Variants in PAX5 observed in about 807,000 individuals in gnomAD.
The protein encoded by PAX5 is paired box 5.
In PAX5, 9 loss-of-function variants were observed where a neutral mutation model predicts 43.7. That is an observed-to-expected ratio of 0.21 (90% CI 0.12 to 0.36). The LOEUF (loss-of-function observed/expected upper bound fraction) is 0.36. PAX5 is among the 10% of genes least tolerant of loss of function. The probability of loss-of-function intolerance (pLI) is 1.00; values close to 1 mark genes in which losing one functional copy is unlikely to be tolerated. For synonymous variants in PAX5, 228 were observed against 214.3 expected, an observed-to-expected ratio of 1.06 and a Z score of -0.56; for missense variants, 383 against 532.7, an observed-to-expected ratio of 0.72 and a Z score of 2.77.
At chr9:36,900,296 A>C (rs1456265655) in intron 7 of PAX5, among the ~76,000 whole-genome samples, 1 of 152,234 alleles carries the variant, frequency 6.6e-6, no homozygotes, top group African/African-American at 2.4e-5. Flanking sequence ...CATGGAGTCC[A>C]TCTGCTGAGG....
At chr9:36,935,340 A>G (rs1331855115) in intron 6 of PAX5, among the ~76,000 whole-genome samples, 1 of 152,162 alleles carries the variant, frequency 6.6e-6, no homozygotes, top group African/African-American at 2.4e-5. Context: ...AGATTGTGCC[A>G]TTGCACTCCA....
chr9:37,014,214 C>A (rs569385316), intron 3 of PAX5, among the ~76,000 whole-genome samples: 1 of 152,176 alleles, frequency 6.6e-6, no homozygotes, highest in East Asian at 1.9e-4. Context: ...GCTCTGAGAG[C>A]GCCCTTCCAT....
At chr9:36,987,287 C>T (rs1836514411) in intron 5 of PAX5, among the ~76,000 whole-genome samples, 1 of 152,208 alleles carries the variant, frequency 6.6e-6, no homozygotes, top group Non-Finnish European at 1.5e-5. Flanking sequence ...GGAATTCTCA[C>T]AGTAATTGTA....
intron 6 of PAX5, among the ~76,000 whole-genome samples, chr9:36,948,980 A>G (rs970251785): frequency 6.6e-6 from 1 of 152,190 alleles, no homozygotes; most frequent in Non-Finnish European, 1.5e-5. Flanking sequence ...TGGAGTACCT[A>G]CTATGGGCTG....
intron 7 of PAX5, among the ~76,000 whole-genome samples, chr9:36,883,326 T>A (rs972896165): frequency 1.3e-5 from 2 of 151,918 alleles, no homozygotes; most frequent in Non-Finnish European, 2.9e-5. Context: ...AGAAGCCAGA[T>A]AAAAATCTAT....
chr9:36,883,170 C>T (rs1285037900), intron 7 of PAX5, among the ~76,000 whole-genome samples: 1 of 152,284 alleles, frequency 6.6e-6, no homozygotes, highest in Non-Finnish European at 1.5e-5. Flanking sequence ...CCCCCCTGCC[C>T]CCTGGGAGTG....
At chr9:36,967,230 T>C (rs534547457) in intron 5 of PAX5, among the ~76,000 whole-genome samples, 75 of 152,294 alleles carry the variant, frequency 4.9e-4, no homozygotes, top group African/African-American at 1.8e-3. Flanking sequence ...AGGAAGACTG[T>C]AGGAAAACGG....
At chr9:37,019,600 G>A (rs1839690051) in intron 2 of PAX5, among the ~76,000 whole-genome samples, 1 of 152,234 alleles carries the variant, frequency 6.6e-6, no homozygotes, top group Non-Finnish European at 1.5e-5. Context: ...GAGAAAGTCA[G>A]AATGTCACTG....
chr9:37,000,290 T>A (rs1837737645), intron 5 of PAX5, among the ~76,000 whole-genome samples: 1 of 152,006 alleles, frequency 6.6e-6, no homozygotes, highest in African/African-American at 2.4e-5. Context: ...GGGTAGGAGT[T>A]AGGGGGAGGC....
At chr9:36,900,678 C>T (rs577872821) in intron 7 of PAX5, among the ~76,000 whole-genome samples, 2 of 152,234 alleles carry the variant, frequency 1.3e-5, no homozygotes, top group Admixed American at 6.5e-5. Flanking sequence ...CTCAGCCACC[C>T]TGGTTTCCCA....
At chr9:36,873,501 G>A (rs115802205) in intron 8 of PAX5, among the ~76,000 whole-genome samples, 2,882 of 152,352 alleles carry the variant, frequency 0.019, 92 homozygotes, top group African/African-American at 0.064. Flanking sequence ...CGAGCAACAG[G>A]TGTGCACCCC....
At chr9:37,029,719 C>T (rs970294691) in intron 1 of PAX5, among the ~76,000 whole-genome samples, 1 of 152,186 alleles carries the variant, frequency 6.6e-6, no homozygotes, top group Non-Finnish European at 1.5e-5. Context: ...CTGAGGGATG[C>T]AGCCAGTGAC....
intron 7 of PAX5, among the ~76,000 whole-genome samples, chr9:36,888,040 G>A (rs1396428628): frequency 6.6e-6 from 1 of 152,326 alleles, no homozygotes. Flanking sequence ...AACATCATTA[G>A]CTCTCAGGGA....
intron 9 of PAX5, among the ~76,000 whole-genome samples, chr9:36,841,026 T>G (rs1487629323): frequency 1.3e-5 from 2 of 152,192 alleles, no homozygotes; most frequent in East Asian, 3.9e-4. Flanking sequence ...CCTAAAATAT[T>G]TACTCTCTGG....
chr9:36,984,356 T>C (rs551828837), intron 5 of PAX5, among the ~76,000 whole-genome samples: 9 of 151,476 alleles, frequency 5.9e-5, no homozygotes, highest in African/African-American at 2.2e-4. Context: ...GCACAGGCTC[T>C]GAAAACAGAG....
intron 8 of PAX5, among the ~76,000 whole-genome samples, chr9:36,858,545 A>C (rs1004057855): frequency 6.6e-6 from 1 of 152,094 alleles, no homozygotes; most frequent in East Asian, 1.9e-4. Context: ...AAAATTATGA[A>C]TCCAATCCCA....
intron 6 of PAX5, among the ~76,000 whole-genome samples, chr9:36,936,057 T>C (rs1343170442): frequency 4.6e-5 from 7 of 152,228 alleles, no homozygotes; most frequent in Non-Finnish European, 2.9e-5. Context: ...TCTAAGTTCA[T>C]TAGAAATGGA....
At position 36,836,292 on chromosome 9, in the gene PAX5, G is replaced by A. The variant is rs1349980201; in HGVS notation, c.*4268C>T. The A allele has an allele frequency of 4.3e-6, 1 of 233,276 alleles. No individual in the cohort carries two copies. Among genetic ancestry groups the A allele is most frequent in the African/African-American group, 2.2e-5 (1 of 45,350 alleles). The allele number at this position is 233,276 out of a possible 1,614,324, so 14.5% of individuals were successfully genotyped here. ...AAGACTTGCAAGAGCCCAAGATGAG[G>A]CCTGGGAGAGTGGCAGGCTCTGGGC... On this transcript the variant is annotated 3_prime_UTR_variant, in exon 10 of 10. Coordinates refer to ENST00000358127, the MANE Select transcript of PAX5 (RefSeq NM_016734.3).
In PAX5 at chr9:36,976,823, C is replaced by T. The variant is rs143550834; in HGVS notation, c.605-10099G>A. The stretch of plus-strand genomic sequence containing the variant: ...GTCAGTGTGGGAAAGGCCCCAAGGG[C>T]TGGTGATTCCACATTCGAGGATGGC... On this transcript the variant is annotated intron_variant, in intron 5 of 9. Transcript: ENST00000358127. 1.7e-3 allele frequency among the ~76,000 whole-genome samples: 255 copies of T among 152,336 alleles called. 2 individuals are homozygous for T. Among genetic ancestry groups the T allele is most frequent in the African/African-American group, 5.8e-3 (243 of 41,560 alleles).
Sources: allele counts gnomAD v4.1 joint callset (sites outside exome capture counted in the v4.1 genomes callset), GRCh38; gene constraint gnomAD v4.1.1; transcripts MANE v1.5; gene names NCBI Gene and HGNC (gene_info 2026-07-23, HGNC 2026-07-21).